CNTNAP2: variants seen among roughly 807,000 people sequenced by gnomAD.
The protein encoded by CNTNAP2 is contactin-associated protein-like 2.
CNTNAP2 carries 98 observed loss-of-function variants against 155.2 expected under a neutral mutation model. The observed-to-expected ratio is 0.63, with a 90% CI of 0.54 to 0.75. CNTNAP2 has a LOEUF of 0.75. Among genes scored for constraint, CNTNAP2 ranks in the 30% least tolerant of loss-of-function variants. CNTNAP2 has a pLI of 0.00. For synonymous variants in CNTNAP2, 651 were observed against 631.2 expected (o/e 1.03, Z -0.47); for missense variants, 1,727 against 1,688.1 (o/e 1.02, Z -0.40).
chr7:147,261,681 A>C (rs1385687344), intron 8 of CNTNAP2, among the ~76,000 whole-genome samples: 1 of 152,126 alleles, frequency 6.6e-6, no homozygotes, highest in East Asian at 1.9e-4. Flanking sequence ...TTCACTGGGG[A>C]AAAAAATAAA....
intron 3 of CNTNAP2, among the ~76,000 whole-genome samples, chr7:146,909,094 C>G (rs1484191731): frequency 6.6e-6 from 1 of 152,080 alleles, no homozygotes; most frequent in Non-Finnish European, 1.5e-5. Flanking sequence ...TCTCCCAAGA[C>G]TAAACCAGGA....
intron 3 of CNTNAP2, among the ~76,000 whole-genome samples, chr7:146,975,863 G>A (rs1797900106): frequency 6.6e-6 from 1 of 152,178 alleles, no homozygotes; most frequent in South Asian, 2.1e-4. Flanking sequence ...GTAACTAGCA[G>A]AGGCATGAAA....
intron 8 of CNTNAP2, among the ~76,000 whole-genome samples, chr7:147,180,096 C>T (rs1014603829): frequency 1.4e-4 from 22 of 152,054 alleles, no homozygotes; most frequent in African/African-American, 5.3e-4. Flanking sequence ...AAGAGGGAGG[C>T]AGGTGCCATG....
chr7:146,935,416 C>T (rs550858614), intron 3 of CNTNAP2, among the ~76,000 whole-genome samples: 22 of 152,302 alleles, frequency 1.4e-4, no homozygotes, highest in East Asian at 9.7e-4. Flanking sequence ...ATGGTACATA[C>T]GTTGCCTCAT....
At chr7:147,244,006 C>G (rs181163206) in intron 8 of CNTNAP2, among the ~76,000 whole-genome samples, 7 of 152,288 alleles carry the variant, frequency 4.6e-5, no homozygotes, top group Admixed American at 4.6e-4. Context: ...CATAATCAGT[C>G]TGACTTTTCT....
At chr7:146,986,055 G>T (rs1272631994) in intron 3 of CNTNAP2, among the ~76,000 whole-genome samples, 4 of 151,896 alleles carry the variant, frequency 2.6e-5, no homozygotes, top group Non-Finnish European at 2.9e-5. Context: ...TTGGTTACAT[G>T]AGTAACTTCT....
In CNTNAP2 at chr7:147,518,283, C is replaced by T. The variant is rs1235317672; in HGVS notation, c.1777+32242C>T. Among the ~76,000 whole-genome samples the T allele has an allele frequency of 3.3e-5, 5 of 151,384 alleles. No homozygotes were observed. The East Asian group carries it at 5.8e-4, about 18-fold the overall frequency. ...GACTAACTTCTGTTTCAAATGATGA[C>T]GAATTTCAGAAAGAGAAAAAATTAA... is the stretch of plus-strand genomic sequence containing the variant. On this transcript the variant is annotated intron_variant, in intron 11 of 23. Coordinates refer to ENST00000361727, the MANE Select transcript of CNTNAP2 (RefSeq NM_014141.6).
chr7:147,540,773 A>G (rs1799624470), intron 11 of CNTNAP2, among the ~76,000 whole-genome samples: 1 of 151,888 alleles, frequency 6.6e-6, no homozygotes, highest in African/African-American at 2.4e-5. Flanking sequence ...GGAGGTCGCA[A>G]TGAGCCGAGA....
intron 1 of CNTNAP2, among the ~76,000 whole-genome samples, chr7:146,605,096 A>C (rs1166440824): frequency 6.6e-6 from 1 of 150,732 alleles, no homozygotes; most frequent in Non-Finnish European, 1.5e-5. Flanking sequence ...ACAAAAAAAA[A>C]AAGAAAAAAA....
At chr7:147,761,477 G>C (rs1189854869) in intron 13 of CNTNAP2, among the ~76,000 whole-genome samples, 1 of 152,132 alleles carries the variant, frequency 6.6e-6, no homozygotes, top group Non-Finnish European at 1.5e-5. Context: ...GCCTGTTTCT[G>C]TATATTCCTC....
intron 13 of CNTNAP2, among the ~76,000 whole-genome samples, chr7:147,779,116 G>A (rs917900462): frequency 6.6e-6 from 1 of 152,148 alleles, no homozygotes; most frequent in Non-Finnish European, 1.5e-5. Flanking sequence ...TTCAAAGAGG[G>A]TGTACCCTCC....
At chr7:147,344,576 T>A (rs1014258261) in intron 9 of CNTNAP2, among the ~76,000 whole-genome samples, 7 of 152,342 alleles carry the variant, frequency 4.6e-5, no homozygotes, top group African/African-American at 1.4e-4. Flanking sequence ...TCAAATGTGC[T>A]GTTAAAGGGT....
chr7:147,957,258 G>C (rs1210937113), intron 14 of CNTNAP2, among the ~76,000 whole-genome samples: 1 of 152,164 alleles, frequency 6.6e-6, no homozygotes, highest in Non-Finnish European at 1.5e-5. Context: ...ACGATGGAGA[G>C]AGCTGAAGTT....
intron 3 of CNTNAP2, among the ~76,000 whole-genome samples, chr7:146,902,913 T>C (rs1796033044): frequency 6.6e-6 from 1 of 152,174 alleles, no homozygotes; most frequent in Admixed American, 6.5e-5. Context: ...GCAAATCACA[T>C]GATGTCATTG....
chr7:146,677,872 T>C (rs527873970), intron 1 of CNTNAP2, among the ~76,000 whole-genome samples: 11 of 151,946 alleles, frequency 7.2e-5, no homozygotes, highest in Non-Finnish European at 1.5e-4. Context: ...CCCCCAGACG[T>C]GGGTGCAGGG....
chr7:147,558,656 A>T (rs906828675), intron 11 of CNTNAP2, among the ~76,000 whole-genome samples: 2 of 152,190 alleles, frequency 1.3e-5, no homozygotes, highest in Non-Finnish European at 2.9e-5. Context: ...AATAATTGTT[A>T]TACTTTGAAG....
rs188140291 is a variant in CNTNAP2, at chr7:147,486,054, T to G, written c.1777+13T>G. The G allele has an allele frequency of 7.4e-4, 1,177 of 1,601,290 alleles. 3 individuals carry two copies. The highest frequency in any genetic ancestry group is 9.4e-4 in the Non-Finnish European group (1,093 of 1,168,366). ...ACCTGCCACAACTGTGAGTGCCAAT[T>G]TATCTCACTTTAATCTTGTAATTGC... On this transcript the variant is annotated intron_variant, in intron 11 of 23. Coordinates refer to ENST00000361727, the MANE Select transcript of CNTNAP2 (RefSeq NM_014141.6).
intron 1 of CNTNAP2, among the ~76,000 whole-genome samples, chr7:146,404,158 C>T (rs1377167863): frequency 2.7e-5 from 4 of 148,660 alleles, no homozygotes; most frequent in African/African-American, 1.0e-4. Flanking sequence ...AACTTGGCCT[C>T]TTGGTTTTAG....
At chr7:148,361,848 G>A (rs1354546703) in intron 21 of CNTNAP2, among the ~76,000 whole-genome samples, 4 of 152,152 alleles carry the variant, frequency 2.6e-5, no homozygotes, top group African/African-American at 7.2e-5. Flanking sequence ...TTCACAGGGC[G>A]GCAGGAGAGA....
Sources: allele counts gnomAD v4.1 joint callset (sites outside exome capture counted in the v4.1 genomes callset), GRCh38; gene constraint gnomAD v4.1.1; transcripts MANE v1.5; gene names NCBI Gene and HGNC (gene_info 2026-07-23, HGNC 2026-07-21).